ADCY8: variants seen among roughly 807,000 people sequenced by gnomAD.
The protein encoded by ADCY8 is adenylate cyclase 8.
ADCY8 carries 51 observed loss-of-function variants against 119.7 expected under a neutral mutation model. That is an observed-to-expected ratio of 0.43 (90% CI 0.34 to 0.54). The LOEUF (loss-of-function observed/expected upper bound fraction) is 0.54, where lower values mean the gene tolerates loss of function less well. Among genes scored for constraint, ADCY8 ranks in the 20% least tolerant of loss-of-function variants. The probability of loss-of-function intolerance (pLI) is 0.03; values close to 1 mark genes in which losing one functional copy is unlikely to be tolerated. For missense variants in ADCY8, 1,383 were observed against 1,598.8 expected, an observed-to-expected ratio of 0.87 and a Z score of 2.30; for synonymous variants, 665 against 651.0, an observed-to-expected ratio of 1.02 and a Z score of -0.33.
intron 6 of ADCY8, among the ~76,000 whole-genome samples, chr8:130,908,471 T>C (rs1452084716): frequency 6.6e-6 from 1 of 151,966 alleles, no homozygotes; most frequent in Non-Finnish European, 1.5e-5. Flanking sequence ...AGGATCCCCA[T>C]AAGAATAGTA....
chr8:131,039,038 C>G (rs767487337), intron 1 of ADCY8, among the ~76,000 whole-genome samples: 1 of 152,176 alleles, frequency 6.6e-6, no homozygotes, highest in Non-Finnish European at 1.5e-5. Context: ...CTGGATGCTT[C>G]TCCTCCCCTT....
intron 8 of ADCY8, among the ~76,000 whole-genome samples, chr8:130,872,533 T>C (rs1171193795): frequency 6.6e-6 from 1 of 152,242 alleles, no homozygotes; most frequent in Non-Finnish European, 1.5e-5. Flanking sequence ...AAAGGGAATG[T>C]GTTAAAAATT....
rs142775867 is a variant in ADCY8, at chr8:130,867,828, T to C, written c.2210+18A>G. On this transcript the variant is annotated intron_variant, in intron 9 of 17. Coordinates refer to ENST00000286355, the MANE Select transcript of ADCY8 (RefSeq NM_001115.3). Reference sequence around the variant, plus strand: ...CACAAAGATATTTCACCAGATCAATTAGTTCTTTTACATTTACCTTGAAGA... The same window carrying C: ...CACAAAGATATTTCACCAGATCAATCAGTTCTTTTACATTTACCTTGAAGA... 4.5e-4 allele frequency: 700 copies of C among 1,545,516 alleles called. 1 individual carries two copies. Among genetic ancestry groups the C allele is most frequent in the Middle Eastern group, 7.0e-4 (4 of 5,678 alleles).
chr8:130,901,622 C>T (rs1819606840), intron 7 of ADCY8, among the ~76,000 whole-genome samples: 1 of 152,286 alleles, frequency 6.6e-6, no homozygotes, highest in East Asian at 1.9e-4. Context: ...GCACATATGG[C>T]TCACTGACTT....
chr8:130,849,755 C>T lies in ADCY8; in HGVS notation c.2259G>A (p.Ser753=), dbSNP rs761004307. The change falls in exon 10 of 18, where the codon TCG becomes TCA. Residue 753 remains serine (S), a synonymous_variant. Transcript: ENST00000286355. ...IQFSILIMLH[S]ALVLITTAED... is the part of the protein sequence containing the mutation. ...CTGCTGTGGTGATGAGGACCAGAGC[C>T]GAGTGCAGCATAATCAGAATGGAGA... is the stretch of plus-strand genomic sequence containing the variant. The T allele has an allele frequency of 1.6e-5, 26 of 1,613,542 alleles. No individual in the cohort carries two copies. The highest frequency in any genetic ancestry group is 4.4e-5 in the South Asian group (4 of 91,024).
At chr8:131,002,889 G>T (rs996744633) in intron 1 of ADCY8, among the ~76,000 whole-genome samples, 3 of 151,956 alleles carry the variant, frequency 2.0e-5, no homozygotes, top group African/African-American at 7.3e-5. Context: ...AGGGATATAA[G>T]GTTTTTAAAA....
intron 2 of ADCY8, among the ~76,000 whole-genome samples, chr8:130,976,885 C>T (rs1002281109): frequency 2.0e-4 from 30 of 152,124 alleles, no homozygotes; most frequent in African/African-American, 5.8e-4. Flanking sequence ...ACATGGAGCT[C>T]ATTTTATATC....
intron 4 of ADCY8, among the ~76,000 whole-genome samples, chr8:130,941,683 G>T (rs1462491172): frequency 6.6e-6 from 1 of 152,088 alleles, no homozygotes; most frequent in East Asian, 1.9e-4. Context: ...CTAGCTAGTA[G>T]CTGTTCAGTA....
intron 8 of ADCY8, among the ~76,000 whole-genome samples, chr8:130,878,911 T>C (rs887758066): frequency 6.6e-6 from 1 of 152,174 alleles, no homozygotes; most frequent in African/African-American, 2.4e-5. Flanking sequence ...AAATATGCAA[T>C]CAATTTTGAA....
intron 1 of ADCY8, among the ~76,000 whole-genome samples, chr8:131,033,607 A>G (rs1343352658): frequency 6.6e-6 from 1 of 151,032 alleles, no homozygotes; most frequent in East Asian, 1.9e-4. Context: ...CACACACTAC[A>G]CAATCATTTT....
At chr8:130,877,987 T>A (rs1455853691) in intron 8 of ADCY8, among the ~76,000 whole-genome samples, 2 of 152,208 alleles carry the variant, frequency 1.3e-5, no homozygotes, top group African/African-American at 4.8e-5. Flanking sequence ...AGGTTTGGGT[T>A]AGAAGAGGAT....
intron 8 of ADCY8, among the ~76,000 whole-genome samples, chr8:130,872,027 A>G (rs1165627907): frequency 6.6e-6 from 1 of 152,162 alleles, no homozygotes; most frequent in African/African-American, 2.4e-5. Flanking sequence ...TGAGGATCAG[A>G]GATGTGAAAG....
Position 130,903,942 on chromosome 8 carries a change from T to G in ADCY8, c.1741A>C (p.Asn581His). 1 of 1,614,166 alleles carries G rather than the reference T, an allele frequency of 6.2e-7. No homozygotes were observed. Among genetic ancestry groups the G allele is most frequent in the East Asian group, 2.2e-5 (1 of 44,858 alleles). Residue 581 changes from asparagine to histidine, a missense_variant, in exon 7 of 18, where the codon AAT becomes CAT. By Grantham distance (68) the Asn-to-His change is moderately conservative. Coordinates refer to ENST00000286355, the MANE Select transcript of ADCY8 (RefSeq NM_001115.3). ...TGCTTAATTAAGTAAGTTTCGATATTATGCTTCCTCAGGAATTCATTCCTC... is the reference window on the plus strand; with the variant it reads ...TGCTTAATTAAGTAAGTTTCGATATGATGCTTCCTCAGGAATTCATTCCTC... The part of the protein sequence containing the change: ...KERNEFLRKH[N>H]IETYLIKQPE...
At chr8:131,022,238 A>G (rs1007053155) in intron 1 of ADCY8, among the ~76,000 whole-genome samples, 3 of 152,164 alleles carry the variant, frequency 2.0e-5, no homozygotes, top group Non-Finnish European at 4.4e-5. Flanking sequence ...CCCGTCATCT[A>G]CATTAGGTAA....
chr8:130,795,321 G>T (rs1815546391), intron 15 of ADCY8, among the ~76,000 whole-genome samples: 1 of 152,220 alleles, frequency 6.6e-6, no homozygotes, highest in Admixed American at 6.5e-5. Context: ...CGCATAGTTT[G>T]CAGGGTCCAG....
intron 15 of ADCY8, among the ~76,000 whole-genome samples, chr8:130,785,845 G>A (rs936125296): frequency 4.6e-5 from 7 of 152,104 alleles, no homozygotes; most frequent in Admixed American, 2.0e-4. Flanking sequence ...CTCTCTTATC[G>A]TCTCCCTCTC....
At chr8:130,859,217 A>G (rs1352902206) in intron 9 of ADCY8, among the ~76,000 whole-genome samples, 2 of 152,226 alleles carry the variant, frequency 1.3e-5, no homozygotes, top group Non-Finnish European at 2.9e-5. Context: ...ATATTCCTAC[A>G]TGTAACCATC....
At chr8:130,796,257 C>T (rs896537738) in intron 15 of ADCY8, among the ~76,000 whole-genome samples, 5 of 152,218 alleles carry the variant, frequency 3.3e-5, no homozygotes, top group Non-Finnish European at 7.3e-5. Flanking sequence ...CATTTAATAT[C>T]CATCCAGCAG....
chr8:130,878,244 G>C (rs1818639105), intron 8 of ADCY8, among the ~76,000 whole-genome samples: 2 of 151,954 alleles, frequency 1.3e-5, no homozygotes. Context: ...AGCGAAATGA[G>C]GATTTTATAC....
Sources: allele counts gnomAD v4.1 joint callset (sites outside exome capture counted in the v4.1 genomes callset), GRCh38; gene constraint gnomAD v4.1.1; transcripts MANE v1.5; gene names NCBI Gene and HGNC (gene_info 2026-07-23, HGNC 2026-07-21).